The following GPC6 variants were observed in gnomAD, a reference collection of about 807,000 sequenced individuals.
GPC6 encodes the protein glypican-6.
Under a neutral mutation model 55.2 loss-of-function variants are expected in GPC6, and 14 were observed. The ratio of observed to expected loss-of-function variants is 0.25; its 90% CI spans 0.17 to 0.40. The LOEUF is 0.40. GPC6 is among the 10% of genes least tolerant of loss of function. GPC6 has a pLI of 1.00. For missense variants in GPC6, 641 were observed against 708.5 expected (o/e 0.90, Z 1.08); for synonymous variants, 278 against 259.6 (o/e 1.07, Z -0.68).
chr13:93,672,859 T>A (rs7984004), intron 2 of GPC6, among the ~76,000 whole-genome samples: 3 of 152,054 alleles, frequency 2.0e-5, no homozygotes, highest in Non-Finnish European at 4.4e-5. Context: ...TGCTGAAACA[T>A]TGACCCCCAA....
At chr13:93,927,943 G>A (rs1877947274) in intron 3 of GPC6, among the ~76,000 whole-genome samples, 1 of 151,924 alleles carries the variant, frequency 6.6e-6, no homozygotes, top group South Asian at 2.1e-4. Context: ...CAATCCAGGT[G>A]TGTCATAAAG....
intron 3 of GPC6, among the ~76,000 whole-genome samples, chr13:93,900,076 T>G (rs1876261176): frequency 6.6e-6 from 1 of 152,170 alleles, no homozygotes; most frequent in Non-Finnish European, 1.5e-5. Context: ...CAACTATGAG[T>G]GTGAGATAGC....
At chr13:93,263,394 C>T (rs562637613) in intron 1 of GPC6, among the ~76,000 whole-genome samples, 12 of 151,676 alleles carry the variant, frequency 7.9e-5, no homozygotes, top group East Asian at 3.9e-4. Flanking sequence ...GATGGAATTT[C>T]GCTCTTGTCA....
intron 1 of GPC6, among the ~76,000 whole-genome samples, chr13:93,250,174 A>G (rs1876736548): frequency 2.0e-5 from 3 of 152,220 alleles, no homozygotes; most frequent in African/African-American, 7.2e-5. Context: ...ATTGTGCTAC[A>G]CGAATGAACA....
intron 1 of GPC6, among the ~76,000 whole-genome samples, chr13:93,229,003 G>A: frequency 6.6e-6 from 1 of 152,164 alleles, no homozygotes; most frequent in East Asian, 1.9e-4. Context: ...TTATATAGAA[G>A]GAGCTTTTTC....
chr13:93,705,074 G>A lies in GPC6; in HGVS notation c.320-125080G>A, dbSNP rs556782071. Among the ~76,000 whole-genome samples, 24 of 151,988 alleles carry A rather than the reference G, an allele frequency of 1.6e-4. No individual in the cohort carries two copies. In the South Asian group the frequency reaches 5.0e-3, roughly 32 times the overall value. On this transcript the variant is annotated intron_variant, in intron 2 of 8. Coordinates refer to ENST00000377047, the MANE Select transcript of GPC6 (RefSeq NM_005708.5). ...TGTGACCTTCAACTTGGGGATTCAT[G>A]GCAACAGAAAAACAACTCACAACTT...
At chr13:93,375,323 T>C (rs1351264621) in intron 1 of GPC6, among the ~76,000 whole-genome samples, 1 of 152,164 alleles carries the variant, frequency 6.6e-6, no homozygotes, top group East Asian at 1.9e-4. Flanking sequence ...GGGAGAGAGA[T>C]TATTCCATCA....
At chr13:93,817,622 A>G (rs1886898568) in intron 2 of GPC6, among the ~76,000 whole-genome samples, 1 of 152,082 alleles carries the variant, frequency 6.6e-6, no homozygotes, top group South Asian at 2.1e-4. Flanking sequence ...ACTCTGAGAG[A>G]CCGAGGTAGG....
intron 8 of GPC6, 42 bp downstream of exon 8, chr13:94,398,683 A>G: frequency 6.4e-7 from 1 of 1,574,556 alleles, no homozygotes; most frequent in South Asian, 1.1e-5. Context: ...TCAAAGTAAA[A>G]AATGGTTTTA....
At chr13:93,962,995 A>G (rs1879856645) in intron 3 of GPC6, among the ~76,000 whole-genome samples, 1 of 152,118 alleles carries the variant, frequency 6.6e-6, no homozygotes, top group African/African-American at 2.4e-5. Context: ...AGAATTCATA[A>G]TACCTTTTGC....
At chr13:93,777,919 G>A (rs1419962419) in intron 2 of GPC6, among the ~76,000 whole-genome samples, 1 of 152,172 alleles carries the variant, frequency 6.6e-6, no homozygotes. Flanking sequence ...TAAGGGAAAA[G>A]CAAGTTATCA....
intron 2 of GPC6, among the ~76,000 whole-genome samples, chr13:93,809,319 T>C (rs1471119150): frequency 6.6e-6 from 1 of 152,180 alleles, no homozygotes; most frequent in African/African-American, 2.4e-5. Context: ...GTTTACAAAA[T>C]GTGATTAGTG....
At chr13:94,070,994 G>A (rs1331971283) in intron 4 of GPC6, among the ~76,000 whole-genome samples, 9 of 152,184 alleles carry the variant, frequency 5.9e-5, no homozygotes, top group Admixed American at 2.6e-4. Context: ...GTGTTGAGAA[G>A]GATCCTGAGG....
intron 4 of GPC6, among the ~76,000 whole-genome samples, chr13:94,129,847 A>G (rs951588071): frequency 2.0e-5 from 3 of 152,196 alleles, no homozygotes; most frequent in African/African-American, 7.2e-5. Flanking sequence ...CAAAGGCCAC[A>G]TAAGCAATTT....
chr13:93,810,596 C>T (rs1360201762), intron 2 of GPC6, among the ~76,000 whole-genome samples: 1 of 152,010 alleles, frequency 6.6e-6, no homozygotes, highest in Non-Finnish European at 1.5e-5. Context: ...CAGGCTATGG[C>T]CCGTAATTAA....
intron 2 of GPC6, among the ~76,000 whole-genome samples, chr13:93,762,202 T>G (rs889257322): frequency 1.4e-4 from 22 of 152,204 alleles, no homozygotes; most frequent in African/African-American, 5.3e-4. Flanking sequence ...CAGAATTTCC[T>G]TTAAAAACAG....
chr13:93,698,294 C>G (rs551655228), intron 2 of GPC6, among the ~76,000 whole-genome samples: 1 of 152,210 alleles, frequency 6.6e-6, no homozygotes, highest in Non-Finnish European at 1.5e-5. Flanking sequence ...TTCCTCTAGA[C>G]AGACTCATTG....
intron 3 of GPC6, among the ~76,000 whole-genome samples, chr13:93,905,302 A>G (rs1489059482): frequency 6.6e-6 from 1 of 152,102 alleles, no homozygotes; most frequent in Non-Finnish European, 1.5e-5. Flanking sequence ...AACCTTAGTA[A>G]ACCGCTCTGT....
intron 1 of GPC6, among the ~76,000 whole-genome samples, chr13:93,475,998 T>G (rs1879289632): frequency 6.6e-6 from 1 of 152,138 alleles, no homozygotes; most frequent in Non-Finnish European, 1.5e-5. Flanking sequence ...CCTGTTCATG[T>G]CCTCTTAAAT....
Sources: gnomAD v4.1 joint callset for allele counts (sites outside exome capture counted in the v4.1 genomes callset) on GRCh38, gnomAD v4.1.1 for gene constraint, MANE v1.5 for transcripts, NCBI Gene and HGNC (gene_info 2026-07-23, HGNC 2026-07-21) for gene names.